SGCZ: variants seen among roughly 807,000 people sequenced by gnomAD.
SGCZ encodes sarcoglycan zeta, also known as zeta-sarcoglycan.
A neutral mutation model predicts 41.3 loss-of-function variants in SGCZ; 40 were observed. The ratio of observed to expected loss-of-function variants is 0.97; its 90% CI spans 0.75 to 1.26. The LOEUF (loss-of-function observed/expected upper bound fraction) is 1.26. Ranked by LOEUF, SGCZ falls within the 50% of genes most tolerant of loss-of-function variation. SGCZ has a pLI of 0.00. For synonymous variants in SGCZ, 206 were observed against 137.5 expected, an observed-to-expected ratio of 1.50 and a Z score of -3.49; for missense variants, 552 against 369.8, an observed-to-expected ratio of 1.49 and a Z score of -4.04.
rs75599024 is a variant in SGCZ at position 14,164,434 on chromosome 8, T to A, written c.547+146A>T. On this transcript the variant is annotated intron_variant, in intron 5 of 7. Transcript: ENST00000382080. Reference sequence around the variant, plus strand: ...TACAACCACAACCAGTGCCTTCCATTTGAAGGCTACTTGAAGAACAAACGT... The same window carrying A: ...TACAACCACAACCAGTGCCTTCCATATGAAGGCTACTTGAAGAACAAACGT... The A allele has an allele frequency of 5.2e-3, 4,873 of 939,092 alleles. 31 individuals carry two copies. Among genetic ancestry groups the A allele is most frequent in the Non-Finnish European group, 7.0e-3 (4,534 of 647,432 alleles). 58.2% of individuals were successfully genotyped at this position (939,092 alleles called of 1,614,324 possible). A position where few individuals can be genotyped will look rare whatever the true frequency, so the allele number is the denominator to read the frequency against.
At chr8:14,927,472 A>G (rs1799792920) in intron 1 of SGCZ, among the ~76,000 whole-genome samples, 2 of 152,182 alleles carry the variant, frequency 1.3e-5, no homozygotes, top group Non-Finnish European at 2.9e-5. Context: ...CTTATGAGAT[A>G]CAAAGTGTAA....
chr8:15,082,083 G>T (rs1023808422), intron 1 of SGCZ, among the ~76,000 whole-genome samples: 1 of 151,896 alleles, frequency 6.6e-6, no homozygotes, highest in Admixed American at 6.6e-5. Flanking sequence ...ACAAAAATTA[G>T]CTGGGCATGA....
chr8:14,898,488 G>C (rs560748770), intron 1 of SGCZ, among the ~76,000 whole-genome samples: 24 of 152,322 alleles, frequency 1.6e-4, no homozygotes, highest in African/African-American at 5.8e-4. Flanking sequence ...TATTGGGCCA[G>C]GGACTGATAT....
intron 1 of SGCZ, among the ~76,000 whole-genome samples, chr8:14,669,693 TACACACACACACACACAC>T (rs35602830): frequency 4.1e-5 from 6 of 147,670 alleles, no homozygotes; most frequent in African/African-American, 1.2e-4. Flanking sequence ...ATTTTGTGTA[TACACACACACACACACAC>T]ACACACACAC....
At chr8:14,714,049 C>A (rs912729295) in intron 1 of SGCZ, among the ~76,000 whole-genome samples, 3 of 152,104 alleles carry the variant, frequency 2.0e-5, no homozygotes, top group African/African-American at 4.8e-5. Flanking sequence ...CTCACTACAA[C>A]CTCTGCCTCC....
At chr8:14,346,262 C>A (rs1003434581) in intron 2 of SGCZ, among the ~76,000 whole-genome samples, 3 of 151,800 alleles carry the variant, frequency 2.0e-5, no homozygotes, top group Admixed American at 6.6e-5. Flanking sequence ...CCTAAAACTC[C>A]TCAAAAAGTA....
intron 1 of SGCZ, among the ~76,000 whole-genome samples, chr8:15,150,300 C>T (rs1165930439): frequency 6.6e-6 from 1 of 152,122 alleles, no homozygotes; most frequent in African/African-American, 2.4e-5. Context: ...AAACTGTCAG[C>T]TATTCTGAAT....
chr8:14,594,909 G>C (rs1180493472), intron 1 of SGCZ, among the ~76,000 whole-genome samples: 1 of 151,812 alleles, frequency 6.6e-6, no homozygotes, highest in Non-Finnish European at 1.5e-5. Context: ...TTATATTGCT[G>C]TAAGTCACTT....
chr8:15,149,785 C>T (rs1799128679), intron 1 of SGCZ, among the ~76,000 whole-genome samples: 1 of 146,058 alleles, frequency 6.8e-6, no homozygotes, highest in Admixed American at 6.8e-5. Context: ...AATGCATATT[C>T]ACTGACCCAG....
rs371616574 is a variant in SGCZ at position 14,728,769 on chromosome 8, A to T, written c.40-173843T>A. Among the ~76,000 whole-genome samples the T allele has an allele frequency of 5.3e-5, 8 of 152,208 alleles. No individual in the cohort carries two copies. In the South Asian group the frequency reaches 1.7e-3, roughly 31 times the overall value. ...CTTCTCAAAAGTGACAACAGGCTCT[A>T]AGAAATTAAATGGTCACTAGGGGAC... is the stretch of plus-strand genomic sequence containing the variant. On this transcript the variant is annotated intron_variant, in intron 1 of 7. Transcript: ENST00000382080.
chr8:14,913,737 A>G (rs1427216516), intron 1 of SGCZ, among the ~76,000 whole-genome samples: 1 of 152,060 alleles, frequency 6.6e-6, no homozygotes, highest in Non-Finnish European at 1.5e-5. Flanking sequence ...TTAAAAATTT[A>G]TATAAAAACA....
chr8:14,616,653 A>T (rs2117356316), intron 1 of SGCZ, among the ~76,000 whole-genome samples: 1 of 152,278 alleles, frequency 6.6e-6, no homozygotes, highest in African/African-American at 2.4e-5. Flanking sequence ...TTATTTAAAA[A>T]GAGAGACCGG....
rs201805936 is a variant in SGCZ, at chr8:14,185,500, AT to A, written c.425-20799del. ...CTAATCAATATCTACCATATACTTTATTTTTTTTCAAAATTCAGTGGCTTCA... is the reference window on the plus strand; with the variant it reads ...CTAATCAATATCTACCATATACTTTATTTTTTTCAAAATTCAGTGGCTTCA... On this transcript the variant is annotated intron_variant, in intron 4 of 7. Coordinates refer to ENST00000382080, the MANE Select transcript of SGCZ (RefSeq NM_139167.4). 8.3e-3 allele frequency among the ~76,000 whole-genome samples: 1,259 copies of A among 151,994 alleles called. 21 individuals are homozygous for A. Among genetic ancestry groups the A allele is most frequent in the African/African-American group, 0.029 (1,209 of 41,468 alleles).
At chr8:14,871,855 CATGTATGTATATAT>C (rs1166662917) in intron 1 of SGCZ, among the ~76,000 whole-genome samples, 9 of 147,606 alleles carry the variant, frequency 6.1e-5, no homozygotes, top group Admixed American at 2.0e-4. Context: ...TATATATATG[CATGTATGTATATAT>C]ATGTATGTAT....
intron 1 of SGCZ, among the ~76,000 whole-genome samples, chr8:14,848,867 T>C (rs563073319): frequency 4.3e-4 from 65 of 152,292 alleles, no homozygotes; most frequent in African/African-American, 1.5e-3. Context: ...TGAAAACTTT[T>C]GCTCTTTAAA....
intron 1 of SGCZ, among the ~76,000 whole-genome samples, chr8:14,851,044 A>G (rs1563314716): frequency 6.6e-6 from 1 of 152,128 alleles, no homozygotes; most frequent in Non-Finnish European, 1.5e-5. Flanking sequence ...AGAGTATGAC[A>G]TTTAGTCTGC....
At chr8:14,768,251 C>A (rs924146909) in intron 1 of SGCZ, among the ~76,000 whole-genome samples, 8 of 152,132 alleles carry the variant, frequency 5.3e-5, no homozygotes, top group Non-Finnish European at 1.0e-4. Flanking sequence ...TAAAAGAAAA[C>A]ATTGAATTAA....
At chr8:14,272,015 T>C (rs1412860072) in intron 3 of SGCZ, among the ~76,000 whole-genome samples, 1 of 152,182 alleles carries the variant, frequency 6.6e-6, no homozygotes, top group Non-Finnish European at 1.5e-5. Context: ...TAAGTAATTT[T>C]ATTTTTAAGA....
intron 2 of SGCZ, among the ~76,000 whole-genome samples, chr8:14,499,067 T>C (rs1181657643): frequency 6.6e-6 from 1 of 152,058 alleles, no homozygotes; most frequent in African/African-American, 2.4e-5. Flanking sequence ...TTTAATATTT[T>C]GACCTCTTAT....
Sources: allele counts gnomAD v4.1 joint callset (sites outside exome capture counted in the v4.1 genomes callset), GRCh38; gene constraint gnomAD v4.1.1; transcripts MANE v1.5; gene names NCBI Gene and HGNC (gene_info 2026-07-23, HGNC 2026-07-21).